The following SLC7A8 variants were observed in gnomAD, a reference collection of about 807,000 sequenced individuals.
SLC7A8 encodes the protein solute carrier family 7 member 8.
SLC7A8 carries 30 observed loss-of-function variants against 51.2 expected under a neutral mutation model. The ratio of observed to expected loss-of-function variants is 0.59; its 90% CI spans 0.44 to 0.80. The LOEUF is 0.80. Among genes scored for constraint, SLC7A8 ranks in the 30% least tolerant of loss-of-function variants. SLC7A8 has a pLI of 0.00. For synonymous variants in SLC7A8, 257 were observed against 275.8 expected (o/e 0.93, Z 0.67); for missense variants, 612 against 674.4 (o/e 0.91, Z 1.03).
intron 7 of SLC7A8, 118 bp from the exon 8 acceptor site, chr14:23,131,675 G>A (rs992117165): frequency 2.8e-5 from 18 of 640,246 alleles, no homozygotes; most frequent in African/African-American, 5.6e-5. Flanking sequence ...CCAGGCACCC[G>A]CCTTCACATG....
intron 3 of SLC7A8, among the ~76,000 whole-genome samples, chr14:23,151,767 A>T: frequency 6.6e-6 from 1 of 151,564 alleles, no homozygotes; most frequent in South Asian, 2.1e-4. Context: ...AAAAAAAAAA[A>T]AAAAGCAAAA....
At position 23,183,348 on chromosome 14, in the gene SLC7A8, T is replaced by A. The variant is rs1011166413; in HGVS notation, c.-434A>T. 6.4e-6 allele frequency: 1 copy of A among 155,448 alleles called. No homozygotes were observed. The highest frequency in any genetic ancestry group is 2.4e-5 in the African/African-American group (1 of 41,558). The allele number at this position is 155,448 out of a possible 1,614,324, so 9.6% of individuals were successfully genotyped here. ...CCCTAATAAAACAGGAGACTGCCTTTACCTCCCCTTAGTTTTTTCTTTTAT... is the reference window on the plus strand; with the variant it reads ...CCCTAATAAAACAGGAGACTGCCTTAACCTCCCCTTAGTTTTTTCTTTTAT... On this transcript the variant is annotated 5_prime_UTR_variant, in exon 1 of 11. The change abolishes the stop of an existing upstream ORF in the 5' untranslated region. Transcript: ENST00000316902.
At chr14:23,150,441 T>A (rs546321380) in intron 3 of SLC7A8, among the ~76,000 whole-genome samples, 25 of 152,298 alleles carry the variant, frequency 1.6e-4, no homozygotes, top group African/African-American at 5.3e-4. Context: ...GAGTCGGCTC[T>A]CTCAGAGGGA....
At chr14:23,138,332 A>C (rs1411076595) in intron 6 of SLC7A8, 13 of 283,318 alleles carry the variant, frequency 4.6e-5, no homozygotes, top group African/African-American at 2.4e-4. Context: ...GCCTAAGATT[A>C]CACACCCAGC....
At chr14:23,151,181 G>A (rs1175015982) in intron 3 of SLC7A8, among the ~76,000 whole-genome samples, 4 of 152,170 alleles carry the variant, frequency 2.6e-5, no homozygotes, top group East Asian at 1.9e-4. Context: ...CGGTGCACAC[G>A]CAGCCATAAA....
intron 9 of SLC7A8, 130 bp downstream of exon 9, chr14:23,129,520 C>T: frequency 8.9e-7 from 1 of 1,127,398 alleles, no homozygotes; most frequent in South Asian, 1.5e-5. Flanking sequence ...CCCTTGCTTT[C>T]CAAAGGGTCT....
At chr14:23,167,268 T>TTGACCCTCAATGAAAC in intron 1 of SLC7A8, among the ~76,000 whole-genome samples, 1 of 152,296 alleles carries the variant, frequency 6.6e-6, no homozygotes, top group East Asian at 1.9e-4. Context: ...CAAAGGTCAT[T>TTGACCCTCAATGAAAC]ACCCACCAAT....
chr14:23,162,373 G>T (rs957016921), intron 3 of SLC7A8, among the ~76,000 whole-genome samples: 1 of 152,182 alleles, frequency 6.6e-6, no homozygotes, highest in Admixed American at 6.5e-5. Context: ...GCTTATGAAG[G>T]TAGACAAATA....
chr14:23,144,372 G>T (rs2048772276), intron 3 of SLC7A8, among the ~76,000 whole-genome samples: 2 of 129,890 alleles, frequency 1.5e-5, no homozygotes. Context: ...TTGGCTAATA[G>T]GCATGTAGTT....
At chr14:23,139,268 T>C (rs540991247) in intron 6 of SLC7A8, among the ~76,000 whole-genome samples, 156 bp downstream of exon 6, 1 of 152,298 alleles carries the variant, frequency 6.6e-6, no homozygotes, top group African/African-American at 2.4e-5. Flanking sequence ...CACTTAAAGA[T>C]ACCCCAGCCA....
At chr14:23,173,145 A>T (rs986194463) in intron 1 of SLC7A8, among the ~76,000 whole-genome samples, 1 of 152,216 alleles carries the variant, frequency 6.6e-6, no homozygotes, top group African/African-American at 2.4e-5. Flanking sequence ...GTACTAGGTT[A>T]TAGGATGTGA....
rs142470794 is a variant in SLC7A8 at position 23,125,505 on chromosome 14, AT to A, written c.*1671del. The A allele has an allele frequency of 0.014, 2,207 of 152,744 alleles. 23 individuals are homozygous for A. The highest frequency in any genetic ancestry group is 0.047 in the East Asian group (246 of 5,182). The allele number at this position is 152,744 out of a possible 1,614,324, so 9.5% of individuals were successfully genotyped here. The stretch of plus-strand genomic sequence containing the variant: ...AGTAAGGCATCAACTTTACAAAAAA[AT>A]AATTGAAGGAGGGGAGGAAGTTGGA... On this transcript the variant is annotated 3_prime_UTR_variant, in exon 11 of 11. Coordinates refer to ENST00000316902, the MANE Select transcript of SLC7A8 (RefSeq NM_012244.4).
At chr14:23,174,274 T>C (rs1382114065) in intron 1 of SLC7A8, among the ~76,000 whole-genome samples, 5 of 152,258 alleles carry the variant, frequency 3.3e-5, no homozygotes, top group African/African-American at 7.2e-5. Flanking sequence ...ATTTCCTAAA[T>C]GTACAAACAA....
At chr14:23,178,885 C>CAAAA (rs386380884) in intron 1 of SLC7A8, among the ~76,000 whole-genome samples, 76 of 78,650 alleles carry the variant, frequency 9.7e-4, no homozygotes, top group African/African-American at 1.9e-3. Context: ...ATCTTGTCTC[C>CAAAA]AAAAAAAAAA....
intron 3 of SLC7A8, among the ~76,000 whole-genome samples, chr14:23,159,120 T>C (rs1291604685): frequency 6.6e-6 from 1 of 152,220 alleles, no homozygotes; most frequent in Non-Finnish European, 1.5e-5. Flanking sequence ...TTGCATACGA[T>C]TCTCTTCACT....
At chr14:23,129,552 G>A (rs952755379) in intron 9 of SLC7A8, 98 bp downstream of exon 9, 34 of 1,372,920 alleles carry the variant, frequency 2.5e-5, no homozygotes, top group Admixed American at 8.2e-5. Flanking sequence ...AGATGATGAC[G>A]TGTGGTCAGC....
At chr14:23,181,958 AC>A (rs1221412943) in intron 1 of SLC7A8, among the ~76,000 whole-genome samples, 1 of 152,192 alleles carries the variant, frequency 6.6e-6, no homozygotes, top group East Asian at 1.9e-4. Context: ...TCTTGGGGCC[AC>A]CCAGGTTCCC....
chr14:23,176,483 A>G (rs1400850394), intron 1 of SLC7A8, among the ~76,000 whole-genome samples: 1 of 152,222 alleles, frequency 6.6e-6, no homozygotes, highest in Non-Finnish European at 1.5e-5. Context: ...TGTTCTGGCT[A>G]TGGAGTCATC....
chr14:23,133,878 T>C (rs1485890428), intron 7 of SLC7A8, among the ~76,000 whole-genome samples: 1 of 152,028 alleles, frequency 6.6e-6, no homozygotes, highest in Non-Finnish European at 1.5e-5. Flanking sequence ...AAAAATTTGA[T>C]TACATGAGAA....
Sources: gnomAD v4.1 joint callset for allele counts (sites outside exome capture counted in the v4.1 genomes callset) on GRCh38, gnomAD v4.1.1 for gene constraint, MANE v1.5 for transcripts, NCBI Gene and HGNC (gene_info 2026-07-23, HGNC 2026-07-21) for gene names.